Variants in PAK3 observed in about 807,000 individuals in gnomAD.
PAK3 encodes the protein p21 (RAC1) activated kinase 3, also known as serine/threonine-protein kinase PAK 3.
In PAK3, 4 loss-of-function variants were observed where a neutral mutation model predicts 41.0. The observed-to-expected ratio is 0.10, with a 90% CI of 0.05 to 0.22. The LOEUF (loss-of-function observed/expected upper bound fraction) is 0.22. Among genes scored for constraint, PAK3 ranks in the 10% least tolerant of loss-of-function variants. PAK3 has a pLI of 1.00. For synonymous variants in PAK3, 146 were observed against 139.6 expected, an observed-to-expected ratio of 1.05 and a Z score of -0.32; for missense variants, 205 against 409.9, an observed-to-expected ratio of 0.50 and a Z score of 4.32.
intron 16 of PAK3, among the ~76,000 whole-genome samples, chrX:111,200,666 A>T (rs1033781038): frequency 8.9e-5 from 10 of 111,986 alleles, no homozygotes; most frequent in Non-Finnish European, 1.3e-4. Flanking sequence ...CAGTGAAAGA[A>T]CACATCGGAC....
chrX:110,959,591 T>C (rs1212135513), intron 1 of PAK3, among the ~76,000 whole-genome samples: 1 of 111,623 alleles, frequency 9.0e-6, no homozygotes, highest in Non-Finnish European at 1.9e-5. Flanking sequence ...TCATTTGGCC[T>C]GAAGAGGGAC....
chrX:111,021,223 C>T (rs955225691), intron 1 of PAK3, among the ~76,000 whole-genome samples: 4 of 112,094 alleles, frequency 3.6e-5, no homozygotes, highest in African/African-American at 1.3e-4. Flanking sequence ...TGGCTGGGGG[C>T]CAACCAACAC....
intron 1 of PAK3, among the ~76,000 whole-genome samples, chrX:111,050,108 G>A (rs1430004655): frequency 8.9e-6 from 1 of 111,775 alleles, no homozygotes; most frequent in African/African-American, 3.3e-5. Context: ...CTCCCAGGAA[G>A]TATAACTAGA....
chrX:111,161,851 C>A (rs959813264), intron 8 of PAK3, among the ~76,000 whole-genome samples: 47 of 111,378 alleles, frequency 4.2e-4, no homozygotes, highest in Admixed American at 7.7e-4. Context: ...CAGTACCATG[C>A]TGTTTTGGTT....
At chrX:111,057,039 A>C (rs765817998) in intron 1 of PAK3, among the ~76,000 whole-genome samples, 2 of 111,927 alleles carry the variant, frequency 1.8e-5, no homozygotes, top group African/African-American at 6.5e-5. Flanking sequence ...TATTTTGAAA[A>C]ATTTCAAACA....
chrX:111,116,665 A>T (rs538512841), intron 4 of PAK3, among the ~76,000 whole-genome samples: 14 of 112,323 alleles, frequency 1.2e-4, no homozygotes, highest in Middle Eastern at 4.6e-3. Flanking sequence ...GACTCAATTA[A>T]TGTCAAGTTC....
At position 111,192,123 on chromosome X, in the gene PAK3, A is replaced by G; in HGVS notation, c.831-4A>G. 1.9e-6 allele frequency: 2 copies of G among 1,069,793 alleles called. No individual in the cohort carries two copies. Among genetic ancestry groups the G allele is most frequent in the Non-Finnish European group, 2.6e-6 (2 of 767,356 alleles). The allele number at this position is 1,069,793 out of a possible 1,213,427, so 88.2% of individuals were successfully genotyped here. On this transcript the variant is annotated splice_region_variant and splice_polypyrimidine_tract_variant and intron_variant, in intron 11 of 17. Transcript: ENST00000372007. ...TATTCTTTTGATAATTTTCACCTTC[A>G]CAGGGCATCAGGTACTGTTTATACA...
chrX:111,088,460 T>C (rs2092906353), intron 1 of PAK3, among the ~76,000 whole-genome samples: 1 of 111,989 alleles, frequency 8.9e-6, no homozygotes, highest in Non-Finnish European at 1.9e-5. Flanking sequence ...AAATTTGATA[T>C]AGAACAATCC....
At chrX:111,159,884 A>C (rs989735825) in intron 8 of PAK3, among the ~76,000 whole-genome samples, 1 of 112,267 alleles carries the variant, frequency 8.9e-6, no homozygotes, top group Non-Finnish European at 1.9e-5. Context: ...TTGTTTATAA[A>C]TTCTAGGTTG....
At chrX:110,959,323 C>T (rs1362850450) in intron 1 of PAK3, among the ~76,000 whole-genome samples, 1 of 112,078 alleles carries the variant, frequency 8.9e-6, no homozygotes, top group African/African-American at 3.2e-5. Context: ...TTTCTGCAAT[C>T]CACTGCCACT....
At chrX:111,083,913 C>G (rs1569307654) in intron 1 of PAK3, among the ~76,000 whole-genome samples, 1 of 112,557 alleles carries the variant, frequency 8.9e-6, no homozygotes, top group East Asian at 2.8e-4. Context: ...TGGCAGAGTG[C>G]TAGGCATTGA....
intron 1 of PAK3, among the ~76,000 whole-genome samples, chrX:110,978,677 CTTTT>C (rs1193169974): frequency 2.8e-5 from 3 of 108,702 alleles, no homozygotes; most frequent in South Asian, 4.0e-4. Flanking sequence ...TTTCTTCTTT[CTTTT>C]TTCTTTCTTT....
At position 110,948,566 on chromosome X, in the gene PAK3, G is replaced by A. The variant is rs72619711; in HGVS notation, c.-28+3938G>A. On this transcript the variant is annotated intron_variant, in intron 1 of 14. Transcript: ENST00000425146. The stretch of plus-strand genomic sequence containing the variant: ...TTGACCCTTCTTGGATCCCTTGACT[G>A]CTATTAATTCCCAGAACCTTTTTTT... 7.1e-4 allele frequency among the ~76,000 whole-genome samples: 79 copies of A among 112,005 alleles called. 3 individuals carry two copies. The East Asian group carries it at 0.022, about 31-fold the overall frequency.
intron 5 of PAK3, among the ~76,000 whole-genome samples, chrX:111,141,080 A>G (rs1445520545): frequency 1.8e-5 from 2 of 111,193 alleles, no homozygotes; most frequent in African/African-American, 6.5e-5. Flanking sequence ...GAGGGTGAGT[A>G]CTATTTTTTT....
At chrX:111,207,942 C>T (rs1030147158) in intron 16 of PAK3, among the ~76,000 whole-genome samples, 3 of 111,922 alleles carry the variant, frequency 2.7e-5, no homozygotes, top group South Asian at 3.8e-4. Flanking sequence ...TTGCAGGTGC[C>T]TGCCACCACA....
intron 11 of PAK3, among the ~76,000 whole-genome samples, chrX:111,188,494 A>G (rs1186944935): frequency 2.7e-5 from 3 of 111,766 alleles, no homozygotes; most frequent in Non-Finnish European, 1.9e-5. Flanking sequence ...AGAAAAGGGT[A>G]AAACCACTTC....
chrX:111,013,406 C>G (rs1295304925), intron 1 of PAK3, among the ~76,000 whole-genome samples: 1 of 111,105 alleles, frequency 9.0e-6, no homozygotes, highest in Non-Finnish European at 1.9e-5. Flanking sequence ...GACCCTAATT[C>G]CATCTCTCAT....
At chrX:111,036,777 C>T (rs1252225691) in intron 1 of PAK3, among the ~76,000 whole-genome samples, 1 of 111,836 alleles carries the variant, frequency 8.9e-6, no homozygotes, top group Non-Finnish European at 1.9e-5. Flanking sequence ...GATTAAAAAA[C>T]CTCTTATTTG....
chrX:111,086,370 T>C (rs1359110869), intron 1 of PAK3, among the ~76,000 whole-genome samples: 1 of 110,922 alleles, frequency 9.0e-6, no homozygotes, highest in Non-Finnish European at 1.9e-5. Flanking sequence ...ACCCCCAATA[T>C]AGTTGTGATA....
Sources: gnomAD v4.1 joint callset for allele counts (sites outside exome capture counted in the v4.1 genomes callset) on GRCh38, gnomAD v4.1.1 for gene constraint, MANE v1.5 for transcripts, NCBI Gene and HGNC (gene_info 2026-07-23, HGNC 2026-07-21) for gene names.